SLCO3A1: variants seen among roughly 807,000 people sequenced by gnomAD.
SLCO3A1 encodes PGE1 transporter.
SLCO3A1 carries 27 observed loss-of-function variants against 63.1 expected under a neutral mutation model. The ratio of observed to expected loss-of-function variants is 0.43; its 90% confidence interval spans 0.32 to 0.59. The LOEUF is 0.59. SLCO3A1 is among the 20% of genes least tolerant of loss of function. The probability of loss-of-function intolerance (pLI) is 0.09; values close to 1 mark genes in which losing one functional copy is unlikely to be tolerated. For synonymous variants in SLCO3A1, 473 were observed against 409.9 expected (o/e 1.15, Z -1.86); for missense variants, 773 against 945.8 (o/e 0.82, Z 2.40).
chr15:92,036,302 G>C (rs1246855488), intron 2 of SLCO3A1, among the ~76,000 whole-genome samples: 1 of 151,822 alleles, frequency 6.6e-6, no homozygotes, highest in Non-Finnish European at 1.5e-5. Context: ...TATTGAAGAA[G>C]GGCTGGCAAA....
intron 6 of SLCO3A1, among the ~76,000 whole-genome samples, chr15:92,126,818 C>A (rs902216820): frequency 6.6e-6 from 1 of 152,116 alleles, no homozygotes; most frequent in African/African-American, 2.4e-5. Context: ...TGAGAATTGC[C>A]CTTAGAGGGA....
At chr15:92,110,143 AC>A (rs1204555745) in intron 4 of SLCO3A1, among the ~76,000 whole-genome samples, 1 of 151,986 alleles carries the variant, frequency 6.6e-6, no homozygotes, top group Non-Finnish European at 1.5e-5. Context: ...GAGAAGGTTC[AC>A]CTTTTGAGGA....
At chr15:92,120,705 C>A in intron 5 of SLCO3A1, 76 bp downstream of exon 5, 1 of 1,344,284 alleles carries the variant, frequency 7.4e-7, no homozygotes, top group Non-Finnish European at 1.1e-6. Context: ...ATTTACTGAG[C>A]CCTGCTGAAG....
intron 9 of SLCO3A1, among the ~76,000 whole-genome samples, chr15:92,159,183 A>T (rs1322758809): frequency 6.6e-6 from 1 of 152,172 alleles, no homozygotes; most frequent in Non-Finnish European, 1.5e-5. Context: ...GACTTTTGGC[A>T]CCTTAAAAGT....
chr15:92,146,353 T>C (rs1466289327), intron 7 of SLCO3A1, among the ~76,000 whole-genome samples: 1 of 152,320 alleles, frequency 6.6e-6, no homozygotes, highest in Non-Finnish European at 1.5e-5. Context: ...AATAAATGTA[T>C]CTATCTTGTT....
intron 1 of SLCO3A1, among the ~76,000 whole-genome samples, chr15:91,858,963 C>G (rs1681733411): frequency 6.6e-6 from 1 of 152,242 alleles, no homozygotes; most frequent in Admixed American, 6.5e-5. Context: ...CTGCATTTCT[C>G]TGGCTTTAGT....
intron 9 of SLCO3A1, among the ~76,000 whole-genome samples, chr15:92,156,082 C>G (rs2048367933): frequency 6.6e-6 from 1 of 152,168 alleles, no homozygotes; most frequent in Admixed American, 6.5e-5. Flanking sequence ...CCTAGACACT[C>G]CTGCTGTGGC....
rs976399192 is a variant in SLCO3A1, at chr15:91,897,283, T to C, written c.181-18710T>C. 6.6e-6 allele frequency among the ~76,000 whole-genome samples: 1 copy of C among 151,940 alleles called. No homozygotes were observed. Among genetic ancestry groups the C allele is most frequent in the Non-Finnish European group, 1.5e-5 (1 of 67,970 alleles). On this transcript the variant is annotated intron_variant, in intron 1 of 9. Coordinates refer to ENST00000318445, the MANE Select transcript of SLCO3A1 (RefSeq NM_013272.4). The surrounding 1 kb of genome is among the most constrained non-coding windows in gnomAD (Gnocchi z 4.7). ...AACATGGTGGCCAGTTTAGTAGAGA[T>C]GGGGATCTCTACTAAAAATTAGCTG...
chr15:92,019,242 T>C (rs2046476956), intron 2 of SLCO3A1, among the ~76,000 whole-genome samples: 1 of 152,158 alleles, frequency 6.6e-6, no homozygotes, highest in African/African-American at 2.4e-5. Context: ...CTCTACCACT[T>C]ACCAGCTCTG....
chr15:92,155,879 G>C (rs77373643), intron 9 of SLCO3A1, among the ~76,000 whole-genome samples: 1,887 of 152,196 alleles, frequency 0.012, 40 homozygotes, highest in African/African-American at 0.043. Flanking sequence ...GTGTCATTAG[G>C]GATGAGCTTA....
intron 2 of SLCO3A1, among the ~76,000 whole-genome samples, chr15:92,047,508 TATATAAATACATAA>T (rs2046894121): frequency 2.7e-5 from 1 of 37,040 alleles, no homozygotes; most frequent in African/African-American, 9.7e-5. Flanking sequence ...TATATAAATA[TATATAAATACATAA>T]ATAAATATAT....
intron 2 of SLCO3A1, among the ~76,000 whole-genome samples, chr15:91,931,454 T>G: frequency 6.6e-6 from 1 of 151,656 alleles, no homozygotes; most frequent in Non-Finnish European, 1.5e-5. Context: ...CAAACCCTGC[T>G]TCTTCTGCTG....
intron 2 of SLCO3A1, among the ~76,000 whole-genome samples, chr15:91,926,599 G>GCGTGCA (rs1567189276): frequency 2.7e-5 from 4 of 145,648 alleles, no homozygotes; most frequent in Non-Finnish European, 4.5e-5. Context: ...GTGTGTGTGC[G>GCGTGCA]CGCGCGCACG....
intron 2 of SLCO3A1, among the ~76,000 whole-genome samples, chr15:92,061,280 G>A (rs2047083363): frequency 6.6e-6 from 1 of 152,182 alleles, no homozygotes; most frequent in South Asian, 2.1e-4. Context: ...CCACAGCTCA[G>A]CCCTAATAAT....
chr15:92,047,824 A>C (rs1185440275), intron 2 of SLCO3A1, among the ~76,000 whole-genome samples: 2 of 150,634 alleles, frequency 1.3e-5, no homozygotes, highest in African/African-American at 2.4e-5. Flanking sequence ...CTTCCTGCTC[A>C]GCCTCAGGTC....
intron 1 of SLCO3A1, among the ~76,000 whole-genome samples, chr15:91,888,785 C>A (rs1342593749): frequency 6.6e-6 from 1 of 151,928 alleles, no homozygotes; most frequent in African/African-American, 2.4e-5. Flanking sequence ...TAGTTAGATA[C>A]CAGCTTGGGC....
intron 7 of SLCO3A1, among the ~76,000 whole-genome samples, chr15:92,139,325 C>T (rs950910317): frequency 6.7e-6 from 1 of 150,078 alleles, no homozygotes; most frequent in Non-Finnish European, 1.5e-5. Context: ...AGGGATGAAG[C>T]CCACTTGATC....
chr15:91,868,613 C>T (rs776788936), intron 1 of SLCO3A1, among the ~76,000 whole-genome samples: 1 of 152,098 alleles, frequency 6.6e-6, no homozygotes, highest in African/African-American at 2.4e-5. Context: ...CTTTGAAGTC[C>T]ATGTCTGGGG....
At chr15:92,100,384 C>G (rs2047591315) in intron 3 of SLCO3A1, among the ~76,000 whole-genome samples, 1 of 152,226 alleles carries the variant, frequency 6.6e-6, no homozygotes, top group Admixed American at 6.5e-5. Context: ...CTTGACTCAG[C>G]CTGTTCCCTC....
Sources: allele counts gnomAD v4.1 joint callset (sites outside exome capture counted in the v4.1 genomes callset), GRCh38; gene constraint gnomAD v4.1.1; non-coding constraint Gnocchi (gnomAD v3.1); transcripts MANE v1.5; gene names NCBI Gene and HGNC (gene_info 2026-07-23, HGNC 2026-07-21).